The following MOB1A variants were observed in gnomAD, a reference collection of about 807,000 sequenced individuals.
The protein encoded by MOB1A is MOB kinase activator 1A, also known as MOB1 Mps One Binder homolog A.
In MOB1A, 10 loss-of-function variants were observed where a neutral mutation model predicts 25.1. That is an observed-to-expected ratio of 0.40 (90% CI 0.25 to 0.68). The LOEUF (loss-of-function observed/expected upper bound fraction) is 0.68. Among genes scored for constraint, MOB1A ranks in the 30% least tolerant of loss-of-function variants. The probability of loss-of-function intolerance (pLI) is 0.40; values close to 1 mark genes in which losing one functional copy is unlikely to be tolerated. For synonymous variants in MOB1A, 81 were observed against 79.5 expected, an observed-to-expected ratio of 1.02 and a Z score of -0.10; for missense variants, 177 against 256.3, an observed-to-expected ratio of 0.69 and a Z score of 2.11.
intron 2 of MOB1A, among the ~76,000 whole-genome samples, chr2:74,172,085 T>C (rs535417193): frequency 1.3e-5 from 2 of 152,286 alleles, no homozygotes; most frequent in Admixed American, 6.5e-5. Context: ...CATGCACTTG[T>C]TCTCTTGAAC....
At chr2:74,177,034 T>C (rs920241054) in intron 1 of MOB1A, among the ~76,000 whole-genome samples, 7 of 151,996 alleles carry the variant, frequency 4.6e-5, no homozygotes, top group African/African-American at 1.7e-4. Context: ...AACTCAAGTG[T>C]CCATCAAGAA....
chr2:74,160,206 C>T (rs1692926664), intron 4 of MOB1A, among the ~76,000 whole-genome samples: 1 of 152,188 alleles, frequency 6.6e-6, no homozygotes, highest in South Asian at 2.1e-4. Flanking sequence ...ACACTGGCTC[C>T]GTGTGGTGGC....
At chr2:74,161,337 T>C (rs1310853739) in intron 4 of MOB1A, among the ~76,000 whole-genome samples, 2 of 152,172 alleles carry the variant, frequency 1.3e-5, no homozygotes, top group Non-Finnish European at 2.9e-5. Flanking sequence ...GATCTTGTAT[T>C]CATGTATTGA....
chr2:74,159,458 T>C (rs1692899239), intron 4 of MOB1A, among the ~76,000 whole-genome samples: 1 of 152,114 alleles, frequency 6.6e-6, no homozygotes, highest in Non-Finnish European at 1.5e-5. Context: ...GCTAATTTTT[T>C]GTATTTTTTG....
intron 2 of MOB1A, among the ~76,000 whole-genome samples, chr2:74,168,000 G>C (rs768686542): frequency 2.6e-5 from 4 of 152,124 alleles, no homozygotes; most frequent in Admixed American, 6.6e-5. Flanking sequence ...TTAGCCAGGC[G>C]TGGTGGTGCA....
At chr2:74,160,802 T>G (rs1233438756) in intron 4 of MOB1A, among the ~76,000 whole-genome samples, 1 of 152,114 alleles carries the variant, frequency 6.6e-6, no homozygotes, top group Non-Finnish European at 1.5e-5. Context: ...CCTGAGAATT[T>G]TGGCTGACAA....
chr2:74,175,095 C>T (rs964074557), intron 1 of MOB1A, among the ~76,000 whole-genome samples: 1 of 152,164 alleles, frequency 6.6e-6, no homozygotes, highest in African/African-American at 2.4e-5. Flanking sequence ...CACCTGAGCT[C>T]CACCTCTTGT....
Position 74,155,516 on chromosome 2 carries a change from T to A in MOB1A, c.*1052A>T, listed in dbSNP as rs1208008166. On this transcript the variant is annotated 3_prime_UTR_variant, in exon 6 of 6. Coordinates refer to ENST00000396049, the MANE Select transcript of MOB1A (RefSeq NM_018221.5). The stretch of plus-strand genomic sequence containing the variant: ...AGATGTGTACACCTTCATGGTTTAT[T>A]GTGGTTTTCCTTAAGTTTTATCCTT... 6.6e-6 allele frequency: 1 copy of A among 152,616 alleles called. No individual in the cohort carries two copies. Among genetic ancestry groups the A allele is most frequent in the African/African-American group, 2.4e-5 (1 of 41,462 alleles). The allele number at this position is 152,616 out of a possible 1,614,324, so 9.5% of individuals were successfully genotyped here.
At position 74,153,488 on chromosome 2, in the gene MOB1A, A is replaced by G. The variant is rs952657603; in HGVS notation, c.*3080T>C. ...TTGCATTTCTCATGTAAGCAGCTAT[A>G]TAAGCTAGGGTTCTACAAGCCTTAG... is the stretch of plus-strand genomic sequence containing the variant. On this transcript the variant is annotated 3_prime_UTR_variant, in exon 6 of 6. Coordinates refer to ENST00000396049, the MANE Select transcript of MOB1A (RefSeq NM_018221.5). 6.6e-6 allele frequency: 1 copy of G among 152,256 alleles called. No homozygotes were observed. The highest frequency in any genetic ancestry group is 2.4e-5 in the African/African-American group (1 of 41,468). The allele number at this position is 152,256 out of a possible 1,614,324, so 9.4% of individuals were successfully genotyped here.
rs577307632 is a variant in MOB1A at position 74,174,197 on chromosome 2, G to C, written c.15-1445C>G. On this transcript the variant is annotated intron_variant, in intron 1 of 5. Coordinates refer to ENST00000396049, the MANE Select transcript of MOB1A (RefSeq NM_018221.5). The stretch of plus-strand genomic sequence containing the variant: ...GAGGCAGGAGAATGGCTTGAACCCA[G>C]GAGGCGGAGGTTGCAGTGAGCCAAG... Among the ~76,000 whole-genome samples, 33 of 151,592 alleles carry C rather than the reference G, an allele frequency of 2.2e-4. No homozygotes were observed. The East Asian group carries it at 6.4e-3, about 29-fold the overall frequency.
At chr2:74,175,477 G>C (rs1012337466) in intron 1 of MOB1A, among the ~76,000 whole-genome samples, 1 of 152,176 alleles carries the variant, frequency 6.6e-6, no homozygotes, top group Non-Finnish European at 1.5e-5. Context: ...AGAGAAACTA[G>C]TATTTTAATA....
At chr2:74,172,467 G>A in intron 2 of MOB1A, 119 bp downstream of exon 2, 1 of 980,132 alleles carries the variant, frequency 1.0e-6, no homozygotes, top group South Asian at 1.7e-5. Flanking sequence ...TGTACTTAAT[G>A]TTTCTTTACA....
intron 1 of MOB1A, chr2:74,173,171 A>C: frequency 1.9e-6 from 1 of 517,410 alleles, no homozygotes; most frequent in South Asian, 1.4e-5. Context: ...AAATGCCAAG[A>C]TAGGAAGATG....
chr2:74,174,540 C>T (rs555663133), intron 1 of MOB1A, among the ~76,000 whole-genome samples: 6 of 152,224 alleles, frequency 3.9e-5, no homozygotes, highest in African/African-American at 1.2e-4. Flanking sequence ...AAAAGAAACA[C>T]TAACATCTTT....
intron 4 of MOB1A, among the ~76,000 whole-genome samples, chr2:74,159,502 G>A (rs189352654): frequency 3.4e-4 from 52 of 152,120 alleles, no homozygotes; most frequent in African/African-American, 1.1e-3. Flanking sequence ...GCCCAGGCTG[G>A]TCTTGAACTC....
intron 1 of MOB1A, among the ~76,000 whole-genome samples, chr2:74,176,763 C>CAA (rs754041457): frequency 0.21 from 19,007 of 88,538 alleles, 1,512 homozygotes; most frequent in East Asian, 0.42. Flanking sequence ...GACTCTGTCT[C>CAA]AAAAAAAAAA....
At chr2:74,175,009 C>T (rs1693410204) in intron 1 of MOB1A, among the ~76,000 whole-genome samples, 1 of 152,166 alleles carries the variant, frequency 6.6e-6, no homozygotes, top group African/African-American at 2.4e-5. Context: ...GACTGGAGCC[C>T]ACAGAAGGAG....
intron 1 of MOB1A, among the ~76,000 whole-genome samples, chr2:74,173,506 G>A (rs556664865): frequency 4.6e-4 from 68 of 148,904 alleles, no homozygotes; most frequent in Middle Eastern, 7.0e-3. Flanking sequence ...TCAGCCTCTC[G>A]AGTAGCTGGG....
intron 4 of MOB1A, among the ~76,000 whole-genome samples, chr2:74,162,283 C>G (rs956843209): frequency 2.0e-5 from 3 of 152,102 alleles, no homozygotes; most frequent in African/African-American, 7.2e-5. Context: ...GAGTTCGAGA[C>G]CAGCCTGGCC....
Sources: allele counts gnomAD v4.1 joint callset (sites outside exome capture counted in the v4.1 genomes callset), GRCh38; gene constraint gnomAD v4.1.1; transcripts MANE v1.5; gene names NCBI Gene and HGNC (gene_info 2026-07-23, HGNC 2026-07-21).